The following TAT variants were observed in gnomAD, a reference collection of about 807,000 sequenced individuals.
TAT encodes the protein L-tyrosine:2-oxoglutarate aminotransferase.
TAT carries 35 observed loss-of-function variants against 53.6 expected under a neutral mutation model. The ratio of observed to expected loss-of-function variants is 0.65; its 90% CI spans 0.50 to 0.87. The LOEUF (loss-of-function observed/expected upper bound fraction) is 0.87, where lower values mean the gene tolerates loss of function less well. Ranked by LOEUF, TAT falls within the 40% of genes least tolerant of loss-of-function variation. The probability of loss-of-function intolerance (pLI) is 0.00; values close to 1 mark genes in which losing one functional copy is unlikely to be tolerated. For synonymous variants in TAT, 197 were observed against 206.5 expected, an observed-to-expected ratio of 0.95 and a Z score of 0.39; for missense variants, 525 against 571.8, an observed-to-expected ratio of 0.92 and a Z score of 0.83.
rs376757973 is a variant in TAT, at chr16:71,572,650, G to A, written c.447C>T (p.Asp149=). 1.2e-6 allele frequency: 2 copies of A among 1,614,090 alleles called. No individual in the cohort carries two copies. Among genetic ancestry groups the A allele is most frequent in the Non-Finnish European group, 1.7e-6 (2 of 1,180,046 alleles). ...GGTTGGCCAACACAGCTAAACAAAGGTCAATAGCTTGGCTGCAGCCACTTG... is the reference window on the plus strand; with the variant it reads ...GGTTGGCCAACACAGCTAAACAAAGATCAATAGCTTGGCTGCAGCCACTTG... The part of the protein sequence containing the change: ...ILTSGCSQAI[D]LCLAVLANPG... The change falls in exon 5 of 12, where the codon GAC becomes GAT. Residue 149 remains aspartate, a synonymous_variant. Transcript: ENST00000355962.
intron 11 of TAT, 146 bp downstream of exon 11, chr16:71,568,565 G>A (rs996005312): frequency 1.8e-5 from 14 of 768,872 alleles, no homozygotes; most frequent in Admixed American, 2.1e-5. Flanking sequence ...ATTTTAAATA[G>A]GATCCATGAG....
intron 9 of TAT, 47 bp downstream of exon 9, chr16:71,570,222 T>C (rs1003966312): frequency 6.2e-7 from 1 of 1,613,930 alleles, no homozygotes. Context: ...CGGGCGGCAT[T>C]CTCTGACTCC....
chr16:71,569,224 C>A (rs2044183476), intron 10 of TAT, among the ~76,000 whole-genome samples: 1 of 152,172 alleles, frequency 6.6e-6, no homozygotes, highest in Admixed American at 6.5e-5. Flanking sequence ...CCTTAGGGAA[C>A]CAGTATCACT....
Position 71,570,838 on chromosome 16 carries a change from A to G in TAT, c.760-7T>C, listed in dbSNP as rs1227132952. 5 of 1,613,742 alleles carry G rather than the reference A, an allele frequency of 3.1e-6. No individual in the cohort carries two copies. The highest frequency in any genetic ancestry group is 3.3e-5 in the Admixed American group (2 of 59,932). Reference sequence around the variant, plus strand: ...ATTTGCAATCCGAAAACACCTGAGAAGAGGCACTTGTTATGGTTGTTTTCT... The same window carrying G: ...ATTTGCAATCCGAAAACACCTGAGAGGAGGCACTTGTTATGGTTGTTTTCT... On this transcript the variant is annotated splice_region_variant and splice_polypyrimidine_tract_variant and intron_variant, in intron 7 of 11. Coordinates refer to ENST00000355962, the MANE Select transcript of TAT (RefSeq NM_000353.3).
At chr16:71,570,081 C>T (rs760842966) in intron 9 of TAT, 144 bp from the exon 10 acceptor site, 51 of 1,327,118 alleles carry the variant, frequency 3.8e-5, no homozygotes, top group Admixed American at 1.6e-4. Context: ...AGCTCTATTA[C>T]TTGAAGCTTT....
At position 71,568,084 on chromosome 16, in the gene TAT, C is replaced by G. The variant is rs74027254; in HGVS notation, c.*60G>C. The stretch of plus-strand genomic sequence containing the variant: ...AGGGCCACCTGAGTCCCTGAGGAGC[C>G]GCAAGGCCTAGTCCAGCCTTCCCTA... On this transcript the variant is annotated 3_prime_UTR_variant, in exon 12 of 12. Coordinates refer to ENST00000355962, the MANE Select transcript of TAT (RefSeq NM_000353.3). The G allele has an allele frequency of 2.6e-4, 415 of 1,610,120 alleles. 2 individuals carry two copies. The African/African-American group carries it at 4.7e-3, about 18-fold the overall frequency.
chr16:71,570,973 G>T, intron 7 of TAT, 142 bp from the exon 8 acceptor site: 1 of 1,064,862 alleles, frequency 9.4e-7, no homozygotes. Context: ...AAGCATGACT[G>T]GGATTGCAAG....
At position 71,566,861 on chromosome 16, in the gene TAT, A is replaced by C. The variant is rs1177168815; in HGVS notation, c.*1283T>G. The C allele has an allele frequency of 6.6e-6, 1 of 151,782 alleles. No individual in the cohort carries two copies. The highest frequency in any genetic ancestry group is 2.4e-5 in the African/African-American group (1 of 41,336). The allele number at this position is 151,782 out of a possible 1,614,324, so 9.4% of individuals were successfully genotyped here. On this transcript the variant is annotated 3_prime_UTR_variant, in exon 12 of 12. Transcript: ENST00000355962. ...TCACAGAAGAGCCATACTTGGTGAA[A>C]TTTATTAAAAAAAAAAAAAGAAAAA... is the stretch of plus-strand genomic sequence containing the variant.
In TAT at chr16:71,568,291, A is replaced by G; in HGVS notation, c.1225-7T>C. 1.9e-6 allele frequency: 3 copies of G among 1,614,092 alleles called. No individual in the cohort carries two copies. Among genetic ancestry groups the G allele is most frequent in the Non-Finnish European group, 2.5e-6 (3 of 1,180,004 alleles). ...AATTCGGGTACTCAAAGCACTGCAA[A>G]AAGAAGAGTCTGTTACTTTCAGAGC... On this transcript the variant is annotated splice_polypyrimidine_tract_variant and splice_region_variant and intron_variant, in intron 11 of 11. Coordinates refer to ENST00000355962, the MANE Select transcript of TAT (RefSeq NM_000353.3).
chr16:71,572,619 G>T lies in TAT; in HGVS notation c.478C>A (p.Gln160Lys). ...LCLAVLANPG[Q>K]NILVPRPGFS... Reference sequence around the variant, plus strand: ...CCAGGTCTTGGAACCAGGATGTTTTGCCCTGGGTTGGCCAACACAGCTAAA... The same window carrying T: ...CCAGGTCTTGGAACCAGGATGTTTTTCCCTGGGTTGGCCAACACAGCTAAA... The change falls in exon 5 of 12, where the codon CAA becomes AAA. Residue 160 changes from glutamine (Q) to lysine (K), a missense_variant. Gln to Lys is a moderately conservative substitution (Grantham distance 53). Transcript: ENST00000355962. 1 of 1,614,210 alleles carries T rather than the reference G, an allele frequency of 6.2e-7. No homozygotes were observed. The highest frequency in any genetic ancestry group is 8.5e-7 in the Non-Finnish European group (1 of 1,180,040).
In TAT at chr16:71,566,810, A is replaced by T. The variant is rs993195251; in HGVS notation, c.*1334T>A. The T allele has an allele frequency of 1.3e-5, 2 of 152,028 alleles. No individual in the cohort carries two copies. Among genetic ancestry groups the T allele is most frequent in the Non-Finnish European group, 2.9e-5 (2 of 68,020 alleles). The allele number at this position is 152,028 out of a possible 1,614,324, so 9.4% of individuals were successfully genotyped here. A position where few individuals can be genotyped will look rare whatever the true frequency, so the allele number is the denominator to read the frequency against. ...AGACTGAGGAGTGCCTGGGATTAGA[A>T]ATTCCCAAACGGAGAAAAAAACACA... On this transcript the variant is annotated 3_prime_UTR_variant, in exon 12 of 12. Transcript: ENST00000355962.
Position 71,570,733 on chromosome 16 carries a change from G to T in TAT, c.858C>A (p.Gly286=), listed in dbSNP as rs970559788. Residue 286 remains glycine, a synonymous_variant, in exon 8 of 12, where the codon GGC becomes GGA. Coordinates refer to ENST00000355962, the MANE Select transcript of TAT (RefSeq NM_000353.3). ...GGLAKRWLVP[G]WRLGWILIHD... ...GAATGAGGATCCAGCCCAACCTCCA[G>T]CCAGGAACCAGCCAGCGCTTGGCCA... 2.2e-5 allele frequency: 35 copies of T among 1,614,190 alleles called. No individual in the cohort carries two copies. The highest frequency in any genetic ancestry group is 3.0e-5 in the Non-Finnish European group (35 of 1,180,028).
chr16:71,569,481 A>T (rs2044185774), intron 10 of TAT, among the ~76,000 whole-genome samples: 1 of 152,044 alleles, frequency 6.6e-6, no homozygotes, highest in African/African-American at 2.4e-5. Context: ...GGACTACAGG[A>T]GTGTGCCACC....
intron 7 of TAT, among the ~76,000 whole-genome samples, chr16:71,571,366 A>T (rs961281853): frequency 3.3e-5 from 5 of 152,232 alleles, no homozygotes; most frequent in African/African-American, 1.2e-4. Flanking sequence ...AAAAATCTAC[A>T]AATATCAGGT....
At chr16:71,570,247 G>A in intron 9 of TAT, 22 bp downstream of exon 9, 1 of 1,614,128 alleles carries the variant, frequency 6.2e-7, no homozygotes, top group Non-Finnish European at 8.5e-7. Flanking sequence ...CTCCCAAAGT[G>A]GAGGGCAGGA....
At chr16:71,576,490 C>T (rs147974389) in intron 1 of TAT, 63 bp from the exon 2 acceptor site, 1 of 1,384,060 alleles carries the variant, frequency 7.2e-7, no homozygotes, top group Non-Finnish European at 1.0e-6. Flanking sequence ...AGAGGAGCTA[C>T]ATTTGGACCT....
At chr16:71,571,151 C>T (rs2044200414) in intron 7 of TAT, among the ~76,000 whole-genome samples, 1 of 152,162 alleles carries the variant, frequency 6.6e-6, no homozygotes, top group Admixed American at 6.5e-5. Context: ...TATAAGTCCA[C>T]AATCCCTTAT....
intron 11 of TAT, 169 bp downstream of exon 11, chr16:71,568,542 G>C: frequency 1.4e-6 from 1 of 720,408 alleles, no homozygotes. Flanking sequence ...ATTATGATGG[G>C]GGGGAGAAGC....
chr16:71,570,659 C>T lies in TAT; in HGVS notation c.912+20G>A, dbSNP rs1198577186. ...AAATATATACCCTAAATTACACATACTCTTTCACCATATTATCACCTCATT... is the reference window on the plus strand; with the variant it reads ...AAATATATACCCTAAATTACACATATTCTTTCACCATATTATCACCTCATT... On this transcript the variant is annotated intron_variant, in intron 8 of 11. Transcript: ENST00000355962. 1 of 1,614,162 alleles carries T rather than the reference C, an allele frequency of 6.2e-7. No individual in the cohort carries two copies. Among genetic ancestry groups the T allele is most frequent in the Non-Finnish European group, 8.5e-7 (1 of 1,180,018 alleles).
Sources: allele counts gnomAD v4.1 joint callset (sites outside exome capture counted in the v4.1 genomes callset), GRCh38; gene constraint gnomAD v4.1.1; transcripts MANE v1.5; gene names NCBI Gene and HGNC (gene_info 2026-07-23, HGNC 2026-07-21).